Variants in CCDC102B observed in about 807,000 individuals in gnomAD.
CCDC102B encodes coiled-coil domain containing 102B.
CCDC102B carries 75 observed loss-of-function variants against 57.4 expected under a neutral mutation model. The observed-to-expected ratio is 1.31, with a 90% CI of 1.08 to 1.58. CCDC102B has a LOEUF of 1.58. CCDC102B is among the 40% of genes most tolerant of loss of function. The pLI, the probability that CCDC102B is intolerant of heterozygous loss-of-function variation, is 0.00. For synonymous variants in CCDC102B, 206 were observed against 201.9 expected, an observed-to-expected ratio of 1.02 and a Z score of -0.17; for missense variants, 636 against 582.6, an observed-to-expected ratio of 1.09 and a Z score of -0.94.
At chr18:68,830,153 C>T (rs1163470502) in intron 1 of CCDC102B, among the ~76,000 whole-genome samples, 1 of 151,860 alleles carries the variant, frequency 6.6e-6, no homozygotes, top group East Asian at 1.9e-4. Flanking sequence ...TCATCTTTGT[C>T]ATTTAATCGA....
intron 1 of CCDC102B, among the ~76,000 whole-genome samples, chr18:68,821,891 C>T (rs1305516348): frequency 6.6e-6 from 1 of 151,864 alleles, no homozygotes; most frequent in Non-Finnish European, 1.5e-5. Context: ...TTCAAAACTC[C>T]CTTAGGAAAG....
intron 4 of CCDC102B, among the ~76,000 whole-genome samples, chr18:68,859,202 A>C (rs1041976595): frequency 7.2e-6 from 1 of 138,808 alleles, no homozygotes; most frequent in African/African-American, 2.7e-5. Flanking sequence ...CAATGGGGAA[A>C]GGATTCCGTA....
At position 68,956,903 on chromosome 18, in the gene CCDC102B, A is replaced by G. The variant is rs74712499; in HGVS notation, c.1264-54031A>G. 6.3e-4 allele frequency among the ~76,000 whole-genome samples: 96 copies of G among 151,704 alleles called. 2 individuals carry two copies. In the East Asian group the frequency reaches 0.016, roughly 26 times the overall value. On this transcript the variant is annotated intron_variant, in intron 6 of 7. Transcript: ENST00000360242. ...CATGATGTTAAGTACCTTTTCATATATCTGTTTGCCATGTGTATGTCTTCT... is the reference window on the plus strand; with the variant it reads ...CATGATGTTAAGTACCTTTTCATATGTCTGTTTGCCATGTGTATGTCTTCT...
intron 5 of CCDC102B, among the ~76,000 whole-genome samples, chr18:68,876,725 T>C (rs993112440): frequency 2.6e-5 from 4 of 152,166 alleles, no homozygotes; most frequent in African/African-American, 7.2e-5. Flanking sequence ...GTTAGTGATA[T>C]AGATTTAAAC....
At chr18:68,798,345 G>T (rs2035709248) in intron 1 of CCDC102B, 164 bp downstream of exon 1, 1 of 152,114 alleles carries the variant, frequency 6.6e-6, no homozygotes, top group Admixed American at 6.6e-5. Flanking sequence ...TTTTTAAAGT[G>T]ATTCCTTCCT....
At chr18:68,888,354 T>A (rs1316434724) in intron 5 of CCDC102B, among the ~76,000 whole-genome samples, 2 of 152,178 alleles carry the variant, frequency 1.3e-5, no homozygotes, top group Non-Finnish European at 2.9e-5. Flanking sequence ...AACAATCAGA[T>A]TAGTTCAGTG....
chr18:68,823,037 C>A (rs1005081902), intron 1 of CCDC102B, among the ~76,000 whole-genome samples: 6 of 152,152 alleles, frequency 3.9e-5, no homozygotes, highest in Non-Finnish European at 7.4e-5. Context: ...TGGTCTGGGG[C>A]CAAGCCTTCA....
At chr18:68,865,576 CT>C (rs2038941393) in intron 4 of CCDC102B, among the ~76,000 whole-genome samples, 2 of 152,136 alleles carry the variant, frequency 1.3e-5, no homozygotes, top group Non-Finnish European at 1.5e-5. Context: ...TAAGGAAGTA[CT>C]TTGCAAGCAA....
At chr18:68,813,114 G>A (rs2036332526) in intron 1 of CCDC102B, among the ~76,000 whole-genome samples, 1 of 152,068 alleles carries the variant, frequency 6.6e-6, no homozygotes, top group Non-Finnish European at 1.5e-5. Context: ...CCCCCTTGCT[G>A]TTCTTGTGAT....
intron 2 of CCDC102B, among the ~76,000 whole-genome samples, chr18:68,765,475 G>A (rs1303284761): frequency 6.7e-6 from 1 of 149,786 alleles, no homozygotes; most frequent in Admixed American, 6.7e-5. Context: ...GAGAAAGGAA[G>A]GAAGGAGAGG....
At position 68,806,824 on chromosome 18, in the gene CCDC102B, G is replaced by A. The variant is rs554525448; in HGVS notation, c.-16+8643G>A. Among the ~76,000 whole-genome samples the A allele has an allele frequency of 1.1e-3, 164 of 152,204 alleles. 1 individual carries two copies. The highest frequency in any genetic ancestry group is 3.8e-3 in the African/African-American group (156 of 41,542). On this transcript the variant is annotated intron_variant, in intron 1 of 7. Coordinates refer to ENST00000360242, the MANE Select transcript of CCDC102B (RefSeq NM_024781.3). ...ATGTAATTAGTATGAAGTTATTAAT[G>A]AGATAGTTTACATTTTTACGTTTCA...
intron 1 of CCDC102B, among the ~76,000 whole-genome samples, chr18:68,817,082 C>G (rs960980223): frequency 6.6e-6 from 1 of 152,140 alleles, no homozygotes; most frequent in Non-Finnish European, 1.5e-5. Flanking sequence ...GTTTTTCTTA[C>G]TAGTAGGAAA....
intron 7 of CCDC102B, among the ~76,000 whole-genome samples, chr18:69,051,487 A>G (rs2052704073): frequency 2.0e-5 from 3 of 152,034 alleles, no homozygotes; most frequent in Admixed American, 2.0e-4. Flanking sequence ...GAGTTAATGA[A>G]ACTCCAGGTT....
At chr18:68,949,422 G>A (rs773716787) in intron 6 of CCDC102B, among the ~76,000 whole-genome samples, 7 of 152,182 alleles carry the variant, frequency 4.6e-5, no homozygotes, top group East Asian at 1.9e-4. Context: ...CAAATATCCC[G>A]ACAAGGGCAG....
intron 1 of CCDC102B, among the ~76,000 whole-genome samples, chr18:68,833,950 T>C (rs2037254193): frequency 6.6e-6 from 1 of 152,130 alleles, no homozygotes; most frequent in African/African-American, 2.4e-5. Flanking sequence ...CTACAACCAC[T>C]GGCAAATACT....
chr18:69,049,008 T>C (rs2052633547), intron 7 of CCDC102B, among the ~76,000 whole-genome samples: 1 of 152,134 alleles, frequency 6.6e-6, no homozygotes. Flanking sequence ...AATTCCTGTA[T>C]GTTACCATCA....
chr18:68,864,992 TCTC>T (rs2038913259), intron 4 of CCDC102B, among the ~76,000 whole-genome samples: 1 of 152,078 alleles, frequency 6.6e-6, no homozygotes, highest in Non-Finnish European at 1.5e-5. Flanking sequence ...TTATCAGTAT[TCTC>T]CTCTCAGTAG....
intron 6 of CCDC102B, among the ~76,000 whole-genome samples, chr18:68,909,891 G>A (rs1416777243): frequency 2.0e-5 from 3 of 152,050 alleles, no homozygotes; most frequent in Admixed American, 6.5e-5. Flanking sequence ...ATTTTTGTTT[G>A]TATTTTATTC....
chr18:69,051,170 C>T (rs1168975427), intron 7 of CCDC102B, among the ~76,000 whole-genome samples: 1 of 152,130 alleles, frequency 6.6e-6, no homozygotes, highest in Non-Finnish European at 1.5e-5. Context: ...AGATGTGAGC[C>T]TCTTTTCCTG....
Sources: gnomAD v4.1 joint callset for allele counts (sites outside exome capture counted in the v4.1 genomes callset) on GRCh38, gnomAD v4.1.1 for gene constraint, MANE v1.5 for transcripts, NCBI Gene and HGNC (gene_info 2026-07-23, HGNC 2026-07-21) for gene names.